The following CDH23 variants were observed in gnomAD, a reference collection of about 807,000 sequenced individuals.
CDH23 encodes cadherin related 23, also known as cadherin-23.
A neutral mutation model predicts 317.1 loss-of-function variants in CDH23; 189 were observed. That is an observed-to-expected ratio of 0.60 (90% CI 0.53 to 0.67). CDH23 has a LOEUF of 0.67. Ranked by LOEUF, CDH23 falls within the 30% of genes least tolerant of loss-of-function variation. The pLI is 0.00. For missense variants in CDH23, 4,401 were observed against 4,592.4 expected (o/e 0.96, Z 1.20); for synonymous variants, 1,839 against 1,876.8 (o/e 0.98, Z 0.52).
Position 71,803,263 on chromosome 10 carries a change from A to C in CDH23, c.7715A>C (p.Gln2572Pro). ...SGLVTTQRPL[Q>P]SYEKFSLTVV... ...TTGGTGACCACACAGCGGCCACTGC[A>C]GTCCTACGAGAAGTTCAGTCTGACC... Residue 2572 changes from glutamine to proline, a missense_variant, in exon 55 of 70, where the codon CAG (glutamine) becomes CCG (proline). Around this residue, in one of 3 missense-constraint regions of CDH23, gnomAD observed 1,144 missense variants for 1,138.2 expected, o/e 1.01. Coordinates refer to ENST00000224721, the MANE Select transcript of CDH23 (RefSeq NM_022124.6). The C allele has an allele frequency of 1.3e-6, 2 of 1,594,676 alleles. No individual in the cohort carries two copies. The highest frequency in any genetic ancestry group is 2.3e-5 in the South Asian group (2 of 88,396).
At chr10:71,420,152 G>A (rs1440168989) in intron 1 of CDH23, among the ~76,000 whole-genome samples, 1 of 152,208 alleles carries the variant, frequency 6.6e-6, no homozygotes, top group African/African-American at 2.4e-5. Context: ...GGGTACATTA[G>A]AAGAGCAATT....
At chr10:71,431,503 G>A (rs1043973007) in intron 1 of CDH23, among the ~76,000 whole-genome samples, 4 of 152,242 alleles carry the variant, frequency 2.6e-5, no homozygotes, top group Non-Finnish European at 4.4e-5. Context: ...AGCCCTAATG[G>A]TGTCATCTGC....
Position 71,751,154 on chromosome 10 carries a change from AC to A in CDH23, c.4845+9235del. 1 of 1,387,264 alleles carries A rather than the reference AC, an allele frequency of 7.2e-7. No homozygotes were observed. Among genetic ancestry groups the A allele is most frequent in the Non-Finnish European group, 9.9e-7 (1 of 1,012,424 alleles). The allele number at this position is 1,387,264 out of a possible 1,614,324, so 85.9% of individuals were successfully genotyped here. On this transcript the variant is annotated intron_variant, in intron 38 of 69. Transcript: ENST00000224721. The surrounding 1 kb of genome is among the most constrained non-coding windows in gnomAD (Gnocchi z 4.9). The stretch of plus-strand genomic sequence containing the variant: ...CTGAGCCCAGAGCAGGAGGGAGGGA[AC>A]CAGGGCCGAGGCCAAGGAGGCCACT...
intron 6 of CDH23, among the ~76,000 whole-genome samples, chr10:71,522,989 C>T (rs765125561): frequency 6.6e-5 from 10 of 152,280 alleles, no homozygotes; most frequent in East Asian, 3.9e-4. Flanking sequence ...TCACATCTTA[C>T]GGCTCTTGTC....
chr10:71,796,720 C>G (rs1373591982), intron 48 of CDH23: 1 of 177,012 alleles, frequency 5.6e-6, no homozygotes, highest in Non-Finnish European at 1.2e-5. Flanking sequence ...TACATAGCTT[C>G]TGTGTGCCAC....
intron 42 of CDH23, 121 bp downstream of exon 42, chr10:71,784,541 C>A: frequency 7.4e-7 from 1 of 1,354,914 alleles, no homozygotes; most frequent in Non-Finnish European, 1.0e-6. Context: ...GGAGCCAGGC[C>A]AGGCCTGCCC....
intron 17 of CDH23, 45 bp from the exon 18 acceptor site, chr10:71,682,400 T>C: frequency 1.2e-6 from 2 of 1,603,494 alleles, no homozygotes; most frequent in Non-Finnish European, 8.5e-7. Context: ...GACGGGCATC[T>C]CAAGTCTGCT....
Position 71,740,816 on chromosome 10 carries a change from T to G in CDH23, c.4489-6T>G, listed in dbSNP as rs1839713423. The G allele has an allele frequency of 1.2e-6, 2 of 1,613,656 alleles. No individual in the cohort carries two copies. The highest frequency in any genetic ancestry group is 1.7e-6 in the Non-Finnish European group (2 of 1,179,868). On this transcript the variant is annotated splice_region_variant and splice_polypyrimidine_tract_variant and intron_variant, in intron 36 of 69. Transcript: ENST00000224721. ...GCCCTGACTCCAGTTGCCCTCCTCC[T>G]TGCAGGTTGTGGCTTCTGACCGAGG...
At chr10:71,811,220 G>T in intron 62 of CDH23, 95 bp from the exon 63 acceptor site, 1 of 1,587,008 alleles carries the variant, frequency 6.3e-7, no homozygotes, top group South Asian at 1.1e-5. Flanking sequence ...GCTTGGGGTT[G>T]TTGAACTTTG....
intron 6 of CDH23, among the ~76,000 whole-genome samples, chr10:71,513,389 C>T (rs1854103314): frequency 6.6e-6 from 1 of 152,176 alleles, no homozygotes; most frequent in Admixed American, 6.5e-5. Flanking sequence ...TCTACTGGCC[C>T]CTGCCCCGGA....
At position 71,791,317 on chromosome 10, in the gene CDH23, C is replaced by T. The variant is rs2077391837; in HGVS notation, c.6235C>T (p.Leu2079=). 1 of 1,613,478 alleles carries T rather than the reference C, an allele frequency of 6.2e-7. No individual in the cohort carries two copies. Among genetic ancestry groups the T allele is most frequent in the African/African-American group, 1.3e-5 (1 of 74,900 alleles). Residue 2079 remains leucine, a synonymous_variant, in exon 47 of 70, where the codon CTA becomes TTA. Coordinates refer to ENST00000224721, the MANE Select transcript of CDH23 (RefSeq NM_022124.6). ...CCCTGCCACCCTCACTGTCCATCTG[C>T]TAGAGAACTGCCCGCCTGGTAAGCA... ...FSPATLTVHL[L]ENCPPGFSVL... is the part of the protein sequence containing the mutation.
intron 14 of CDH23, among the ~76,000 whole-genome samples, chr10:71,655,702 G>T (rs138843583): frequency 2.8e-4 from 42 of 152,198 alleles, no homozygotes; most frequent in African/African-American, 8.7e-4. Flanking sequence ...AAGTAGGCTG[G>T]ACTCCTACTT....
chr10:71,760,177 GTGTGTATATA>G lies in CDH23; in HGVS notation c.4846-17501_4846-17492del, dbSNP rs1564780096. Among the ~76,000 whole-genome samples the G allele has an allele frequency of 7.9e-4, 18 of 22,656 alleles. 5 individuals are homozygous for G. The highest frequency in any genetic ancestry group is 2.0e-3 in the South Asian group (2 of 1,008). 14.9% of individuals were successfully genotyped at this position (22,656 alleles called of 152,430 possible). On this transcript the variant is annotated intron_variant, in intron 38 of 69. Transcript: ENST00000224721. ...TATATATATGTATATACATATATATGTGTGTATATATATGTATATACATATATATGTGTGT... is the reference window on the plus strand; with the variant it reads ...TATATATATGTATATACATATATATGTATGTATATACATATATATGTGTGT...
At chr10:71,550,693 G>A (rs576430648) in intron 6 of CDH23, among the ~76,000 whole-genome samples, 5 of 152,108 alleles carry the variant, frequency 3.3e-5, no homozygotes, top group African/African-American at 4.8e-5. Context: ...CCACCCCAGG[G>A]CCCCAGTGCT....
At chr10:71,589,724 TC>T (rs1235871606) in intron 9 of CDH23, among the ~76,000 whole-genome samples, 1 of 152,166 alleles carries the variant, frequency 6.6e-6, no homozygotes, top group Admixed American at 6.5e-5. Flanking sequence ...GAGCACACGC[TC>T]CCAGGACCTT....
In CDH23 at chr10:71,690,052, C is replaced by G. The variant is rs137871494; in HGVS notation, c.2060-416C>G. 2.1e-3 allele frequency among the ~76,000 whole-genome samples: 324 copies of G among 152,254 alleles called. 1 individual carries two copies. Among genetic ancestry groups the G allele is most frequent in the Non-Finnish European group, 4.0e-3 (274 of 68,010 alleles). On this transcript the variant is annotated intron_variant, in intron 19 of 69. Coordinates refer to ENST00000224721, the MANE Select transcript of CDH23 (RefSeq NM_022124.6). ...AAAAACCCTTATAAATTCCCCTGAACGAGATAAAACTAGACTGAAATTGAA... is the reference window on the plus strand; with the variant it reads ...AAAAACCCTTATAAATTCCCCTGAAGGAGATAAAACTAGACTGAAATTGAA...
chr10:71,771,993 G>A (rs1315135054), intron 38 of CDH23, among the ~76,000 whole-genome samples: 1 of 152,236 alleles, frequency 6.6e-6, no homozygotes, highest in Non-Finnish European at 1.5e-5. Context: ...CAGGTGGGAT[G>A]CTGGCTTGCC....
rs11812895 is a variant in CDH23, at chr10:71,573,157, A to G, written c.753+2239A>G. Among the ~76,000 whole-genome samples the G allele has an allele frequency of 2.7e-3, 408 of 152,296 alleles. 4 individuals carry two copies. The highest frequency in any genetic ancestry group is 9.3e-3 in the African/African-American group (388 of 41,544). On this transcript the variant is annotated intron_variant, in intron 8 of 69. Coordinates refer to ENST00000224721, the MANE Select transcript of CDH23 (RefSeq NM_022124.6). ...CACAGCAAGTGCTGCCAATTAGCGG[A>G]CATTAAACCACGCTGGGCAGTGACC...
rs768665224 is a variant in CDH23, at chr10:71,739,704, G to T, written c.4420G>T (p.Asp1474Tyr). 8 of 1,613,502 alleles carry T rather than the reference G, an allele frequency of 5.0e-6. No homozygotes were observed. The highest frequency in any genetic ancestry group is 6.8e-6 in the Non-Finnish European group (8 of 1,179,712). The change falls in exon 36 of 70, where the codon GAC becomes TAC. Residue 1474 changes from aspartate (D) to tyrosine (Y), a missense_variant. Physicochemically the swap from Asp to Tyr is radical, Grantham distance 160 (BLOSUM62 -3). This residue lies in a region of CDH23 where 3,068 missense variants were observed against 3,203.3 expected (regional missense o/e 0.96). Coordinates refer to ENST00000224721, the MANE Select transcript of CDH23 (RefSeq NM_022124.6). ...AGAFEIVTTN[D>Y]SIGEVFVARP... ...GGCCTTTGAGATCGTCACCACCAATGACTCCATTGGCGAAGTGTTTGTGGC... is the reference window on the plus strand; with the variant it reads ...GGCCTTTGAGATCGTCACCACCAATTACTCCATTGGCGAAGTGTTTGTGGC...
Sources: allele counts gnomAD v4.1 joint callset (sites outside exome capture counted in the v4.1 genomes callset), GRCh38; gene constraint gnomAD v4.1.1; regional missense constraint gnomAD v4.1.1; non-coding constraint Gnocchi (gnomAD v3.1); transcripts MANE v1.5; gene names NCBI Gene and HGNC (gene_info 2026-07-23, HGNC 2026-07-21).